Variants in RANBP2 observed in about 807,000 individuals in gnomAD.
RANBP2 encodes the protein E3 SUMO-protein ligase RanBP2.
Under a neutral mutation model 303.6 loss-of-function variants are expected in RANBP2, and 57 were observed. The ratio of observed to expected loss-of-function variants is 0.19; its 90% CI spans 0.15 to 0.23. The LOEUF (loss-of-function observed/expected upper bound fraction) is 0.23, where lower values mean the gene tolerates loss of function less well. Ranked by LOEUF, RANBP2 falls within the 10% of genes least tolerant of loss-of-function variation. The probability of loss-of-function intolerance (pLI) is 1.00; values close to 1 mark genes in which losing one functional copy is unlikely to be tolerated. For missense variants in RANBP2, 3,138 were observed against 3,780.8 expected, an observed-to-expected ratio of 0.83 and a Z score of 4.46; for synonymous variants, 1,167 against 1,301.5, an observed-to-expected ratio of 0.90 and a Z score of 2.23.
the RANBP2 span, among the ~76,000 whole-genome samples, chr2:109,700,177 G>A: frequency 6.6e-6 from 1 of 152,098 alleles, no homozygotes; most frequent in Non-Finnish European, 1.5e-5. Context: ...TGTAGTGTCC[G>A]GAATGTTTTC....
the RANBP2 span, among the ~76,000 whole-genome samples, chr2:108,795,567 T>C: frequency 2.0e-5 from 3 of 152,190 alleles, no homozygotes; most frequent in Non-Finnish European, 4.4e-5. Flanking sequence ...ACACATGAAA[T>C]AGTTAAGCAT....
At chr2:109,316,918 C>T in the RANBP2 span, among the ~76,000 whole-genome samples, 2 of 152,210 alleles carry the variant, frequency 1.3e-5, no homozygotes, top group African/African-American at 2.4e-5. Flanking sequence ...CCTTTTCAGA[C>T]TGGCTTCTCT....
the RANBP2 span, among the ~76,000 whole-genome samples, chr2:109,727,476 GTGT>G: frequency 6.6e-6 from 1 of 152,328 alleles, no homozygotes; most frequent in South Asian, 2.1e-4. Context: ...CTGGAAGTCT[GTGT>G]CCTTTTCACT....
chr2:109,364,637 C>G, the RANBP2 span, among the ~76,000 whole-genome samples: 328 of 152,314 alleles, frequency 2.2e-3, no homozygotes, highest in African/African-American at 7.2e-3. Context: ...TTCTATAGTC[C>G]TGGGATCAGG....
the RANBP2 span, among the ~76,000 whole-genome samples, chr2:108,993,410 G>A: frequency 2.0e-5 from 3 of 152,192 alleles, no homozygotes; most frequent in African/African-American, 7.2e-5. Flanking sequence ...GGACAAAAGG[G>A]TATGGATTCT....
the RANBP2 span, among the ~76,000 whole-genome samples, chr2:109,681,075 A>G: frequency 6.6e-6 from 1 of 152,238 alleles, no homozygotes; most frequent in Non-Finnish European, 1.5e-5. Flanking sequence ...TATCCCCACA[A>G]TGGTGGACAG....
the RANBP2 span, among the ~76,000 whole-genome samples, chr2:109,699,529 G>T: frequency 1.3e-5 from 2 of 152,200 alleles, no homozygotes; most frequent in Non-Finnish European, 2.9e-5. Flanking sequence ...AATAGAGTAA[G>T]CTAGAGAAAA....
chr2:109,387,867 G>A, the RANBP2 span, among the ~76,000 whole-genome samples: 1 of 150,562 alleles, frequency 6.6e-6, no homozygotes, highest in South Asian at 2.1e-4. Flanking sequence ...TTGGGGGGGG[G>A]GTCTCCTCCC....
At chr2:108,923,397 C>T in the RANBP2 span, 2 of 1,614,100 alleles carry the variant, frequency 1.2e-6, no homozygotes, top group African/African-American at 1.3e-5. Flanking sequence ...TGCCAGGAGG[C>T]AGGAGTAGCA....
chr2:109,049,425 C>G, the RANBP2 span, among the ~76,000 whole-genome samples: 4 of 152,324 alleles, frequency 2.6e-5, no homozygotes, highest in Admixed American at 2.6e-4. Flanking sequence ...TGTCTCAGCT[C>G]AGAGGCATTT....
chr2:109,075,093 G>A, the RANBP2 span, among the ~76,000 whole-genome samples: 8 of 146,356 alleles, frequency 5.5e-5, no homozygotes, highest in African/African-American at 1.5e-4. Flanking sequence ...AGCTAATGTC[G>A]TACCTTAAGG....
chr2:109,032,558 T>C, the RANBP2 span, among the ~76,000 whole-genome samples: 1 of 152,018 alleles, frequency 6.6e-6, no homozygotes. Context: ...TTCATCCCAC[T>C]CCATCCATGC....
At chr2:109,472,550 T>C in the RANBP2 span, among the ~76,000 whole-genome samples, 1 of 152,158 alleles carries the variant, frequency 6.6e-6, no homozygotes, top group Non-Finnish European at 1.5e-5. Context: ...CCGATCCAAT[T>C]GATGAACCGA....
At chr2:109,686,376 A>G in the RANBP2 span, among the ~76,000 whole-genome samples, 6 of 152,190 alleles carry the variant, frequency 3.9e-5, no homozygotes, top group Admixed American at 6.5e-5. Flanking sequence ...GTGCAGTGGC[A>G]CAATCTCGGC....
At chr2:108,950,910 G>T in the RANBP2 span, among the ~76,000 whole-genome samples, 2 of 152,228 alleles carry the variant, frequency 1.3e-5, no homozygotes, top group Non-Finnish European at 2.9e-5. Context: ...CCAGGAAGGG[G>T]TGTGACCTTG....
At chr2:108,875,465 T>C in the RANBP2 span, among the ~76,000 whole-genome samples, 3 of 152,070 alleles carry the variant, frequency 2.0e-5, no homozygotes, top group Non-Finnish European at 4.4e-5. Flanking sequence ...GCCTGCTTAC[T>C]CAAAATAGGA....
intron 1 of RANBP2, chr2:108,720,022 G>C: frequency 1.0e-6 from 1 of 985,278 alleles, no homozygotes; most frequent in Non-Finnish European, 1.2e-6. Context: ...CGGGGGCTTG[G>C]GCACCCGGGT....
the RANBP2 span, among the ~76,000 whole-genome samples, chr2:109,043,366 G>A: frequency 2.0e-5 from 3 of 150,842 alleles, no homozygotes; most frequent in Non-Finnish European, 4.4e-5. Context: ...TTTTTGAGAC[G>A]GAGTCTTCTT....
chr2:109,142,046 G>GC, the RANBP2 span, among the ~76,000 whole-genome samples: 222 of 151,580 alleles, frequency 1.5e-3, 1 homozygote, highest in Middle Eastern at 0.017. Context: ...AGTCTCCTGG[G>GC]GGGGGGGTCT....
Sources: allele counts gnomAD v4.1 joint callset (sites outside exome capture counted in the v4.1 genomes callset), GRCh38; gene constraint gnomAD v4.1.1; transcripts MANE v1.5; gene names NCBI Gene and HGNC (gene_info 2026-07-23, HGNC 2026-07-21).